Variants in CHRM3 observed in about 807,000 individuals in gnomAD.
The protein encoded by CHRM3 is cholinergic receptor muscarinic 3.
CHRM3 carries 11 observed loss-of-function variants against 41.8 expected under a neutral mutation model. The observed-to-expected ratio is 0.26, with a 90% CI of 0.17 to 0.44. The LOEUF is 0.44. CHRM3 is among the 20% of genes least tolerant of loss of function. CHRM3 has a pLI of 1.00. For synonymous variants in CHRM3, 297 were observed against 301.4 expected, an observed-to-expected ratio of 0.99 and a Z score of 0.15; for missense variants, 571 against 745.4, an observed-to-expected ratio of 0.77 and a Z score of 2.72.
intron 5 of CHRM3, among the ~76,000 whole-genome samples, chr1:239,710,488 TG>T (rs148263181): frequency 0.017 from 2,656 of 152,100 alleles, 75 homozygotes; most frequent in African/African-American, 0.059. Flanking sequence ...TCATTAAAAC[TG>T]TGGAGATAGA....
At chr1:239,404,390 AAG>A (rs760256501) in intron 1 of CHRM3, among the ~76,000 whole-genome samples, 209 of 82,648 alleles carry the variant, frequency 2.5e-3, no homozygotes, top group Non-Finnish European at 3.7e-3. Context: ...GAAAGAAAGA[AAG>A]AAAGAAAGAA....
intron 3 of CHRM3, among the ~76,000 whole-genome samples, chr1:239,609,493 T>C (rs72758709): frequency 0.043 from 6,590 of 152,296 alleles, 172 homozygotes; most frequent in Non-Finnish European, 0.058. Context: ...AAGGCTGTCA[T>C]TTCTTAGGCA....
At chr1:239,819,118 G>A (rs548436686) in intron 5 of CHRM3, among the ~76,000 whole-genome samples, 23 of 152,200 alleles carry the variant, frequency 1.5e-4, no homozygotes, top group East Asian at 7.8e-4. Flanking sequence ...TCAGCCAGGC[G>A]ACTACCTGAC....
chr1:239,685,061 T>C (rs1197081685), intron 5 of CHRM3, among the ~76,000 whole-genome samples: 1 of 152,226 alleles, frequency 6.6e-6, no homozygotes, highest in Admixed American at 6.5e-5. Context: ...TGGAATTCCC[T>C]GTTCTTTAAC....
intron 4 of CHRM3, among the ~76,000 whole-genome samples, chr1:239,652,989 G>C (rs1306003952): frequency 6.6e-6 from 1 of 152,172 alleles, no homozygotes; most frequent in African/African-American, 2.4e-5. Context: ...TGGTCTAAAT[G>C]ACTGATAGGG....
rs559146991 is a variant in CHRM3 at position 239,494,677 on chromosome 1, C to A, written c.-422+1870C>A. On this transcript the variant is annotated intron_variant, in intron 2 of 6. Transcript: ENST00000676153. ...GTATTAAGCCCAGCATGCATTAGTT[C>A]TTTTCCCTAATGCTCTCCCCAACCC... is the stretch of plus-strand genomic sequence containing the variant. Among the ~76,000 whole-genome samples the A allele has an allele frequency of 7.9e-5, 12 of 152,170 alleles. No individual in the cohort carries two copies. The South Asian group carries it at 2.5e-3, about 32-fold the overall frequency.
chr1:239,560,874 C>G (rs994757842), intron 3 of CHRM3, among the ~76,000 whole-genome samples: 1 of 152,008 alleles, frequency 6.6e-6, no homozygotes, highest in African/African-American at 2.4e-5. Flanking sequence ...TAGGTTTTCC[C>G]ACACCTCCCC....
intron 5 of CHRM3, among the ~76,000 whole-genome samples, chr1:239,798,596 G>T (rs2148905495): frequency 6.6e-6 from 1 of 152,274 alleles, no homozygotes; most frequent in East Asian, 1.9e-4. Flanking sequence ...ATAATGCAAG[G>T]TAGAAAAGTC....
Position 239,910,171 on chromosome 1 carries a change from T to C in CHRM3, c.*947T>C, listed in dbSNP as rs937400118. 6.0e-6 allele frequency: 1 copy of C among 167,000 alleles called. No homozygotes were observed. The highest frequency in any genetic ancestry group is 1.5e-5 in the Non-Finnish European group (1 of 68,110). The allele number at this position is 167,000 out of a possible 1,614,324, so 10.3% of individuals were successfully genotyped here. ...CAACAGAGCTAAATCGGGGCCCCTC[T>C]GAGCTCAAAGAATGAACCACATCCA... On this transcript the variant is annotated 3_prime_UTR_variant, in exon 7 of 7. Coordinates refer to ENST00000676153, the MANE Select transcript of CHRM3 (RefSeq NM_001375978.1).
At chr1:239,897,701 A>G (rs1025475626) in intron 6 of CHRM3, among the ~76,000 whole-genome samples, 2 of 152,216 alleles carry the variant, frequency 1.3e-5, no homozygotes, top group Admixed American at 1.3e-4. Flanking sequence ...AAGGGGTCAT[A>G]CTAATATTTA....
At chr1:239,455,560 TTCTG>T (rs1213562614) in intron 1 of CHRM3, among the ~76,000 whole-genome samples, 1 of 152,114 alleles carries the variant, frequency 6.6e-6, no homozygotes. Flanking sequence ...CGGTGTGTGT[TTCTG>T]TCTTAGTTTT....
At chr1:239,705,505 T>C (rs1296219584) in intron 5 of CHRM3, 1 of 152,280 alleles carries the variant, frequency 6.6e-6, no homozygotes, top group Non-Finnish European at 1.5e-5. Flanking sequence ...CCGCCTGGCT[T>C]CTGGGGGCTG....
chr1:239,656,797 G>A (rs1672760008), intron 4 of CHRM3, among the ~76,000 whole-genome samples: 1 of 152,074 alleles, frequency 6.6e-6, no homozygotes, highest in African/African-American at 2.4e-5. Context: ...TCCAACCAGT[G>A]TAATCATACT....
chr1:239,860,350 CAT>C (rs1418768936), intron 6 of CHRM3, among the ~76,000 whole-genome samples: 3 of 152,138 alleles, frequency 2.0e-5, no homozygotes, highest in East Asian at 3.8e-4. Flanking sequence ...TGAATACCCA[CAT>C]TTCTGCATTT....
chr1:239,548,543 C>G (rs1389960387), intron 3 of CHRM3, among the ~76,000 whole-genome samples: 6 of 152,182 alleles, frequency 3.9e-5, no homozygotes, highest in Non-Finnish European at 8.8e-5. Flanking sequence ...TTTATTTTTG[C>G]AATAGCTTCT....
rs554049659 is a variant in CHRM3, at chr1:239,701,741, A to T, written c.-147+23453A>T. ...TAGAGTGCATGGCCTCAGTCATCTCATTCCTTCCTAACCCACCCATTGTTC... is the reference window on the plus strand; with the variant it reads ...TAGAGTGCATGGCCTCAGTCATCTCTTTCCTTCCTAACCCACCCATTGTTC... On this transcript the variant is annotated intron_variant, in intron 5 of 6. Coordinates refer to ENST00000676153, the MANE Select transcript of CHRM3 (RefSeq NM_001375978.1). 3.3e-4 allele frequency among the ~76,000 whole-genome samples: 50 copies of T among 152,086 alleles called. No individual in the cohort carries two copies. In the Middle Eastern group the frequency reaches 0.01, roughly 31 times the overall value.
At chr1:239,567,262 A>G (rs1661438996) in intron 3 of CHRM3, among the ~76,000 whole-genome samples, 1 of 151,046 alleles carries the variant, frequency 6.6e-6, no homozygotes, top group South Asian at 2.1e-4. Flanking sequence ...ACTTGAGCCC[A>G]GGGGTTCAAG....
chr1:239,827,736 A>G (rs888119906), intron 6 of CHRM3, among the ~76,000 whole-genome samples: 6 of 152,218 alleles, frequency 3.9e-5, no homozygotes, highest in African/African-American at 1.2e-4. Flanking sequence ...TAAAAATCTT[A>G]TAAATACAAA....
At chr1:239,566,253 G>C (rs1661354519) in intron 3 of CHRM3, among the ~76,000 whole-genome samples, 2 of 152,176 alleles carry the variant, frequency 1.3e-5, no homozygotes, top group South Asian at 4.1e-4. Flanking sequence ...ATGTCTGCAA[G>C]AGCAGACCAA....
Sources: gnomAD v4.1 joint callset for allele counts (sites outside exome capture counted in the v4.1 genomes callset) on GRCh38, gnomAD v4.1.1 for gene constraint, MANE v1.5 for transcripts, NCBI Gene and HGNC (gene_info 2026-07-23, HGNC 2026-07-21) for gene names.